Variants in PMVK observed in about 807,000 individuals in gnomAD.
The protein encoded by PMVK is phosphomevalonate kinase, also known as testis tissue sperm-binding protein Li 95mP.
Under a neutral mutation model 19.0 loss-of-function variants are expected in PMVK, and 10 were observed. That is an observed-to-expected ratio of 0.53 (90% CI 0.32 to 0.89). The LOEUF is 0.89. Ranked by LOEUF, PMVK falls within the 40% of genes least tolerant of loss-of-function variation. The probability of loss-of-function intolerance (pLI) is 0.03; values close to 1 mark genes in which losing one functional copy is unlikely to be tolerated. For missense variants in PMVK, 222 were observed against 251.1 expected (o/e 0.88, Z 0.78); for synonymous variants, 108 against 101.6 (o/e 1.06, Z -0.38).
upstream of PMVK, among the ~76,000 whole-genome samples, chr1:154,938,500 G>A: frequency 6.6e-6 from 1 of 152,208 alleles, no homozygotes; most frequent in East Asian, 1.9e-4. Flanking sequence ...AGGAGGCTGA[G>A]GCATGAGAAC....
rs1654264850 is a variant in PMVK at position 154,929,233 on chromosome 1, T to G, written c.160-57A>C. On this transcript the variant is annotated intron_variant, in intron 2 of 4. Transcript: ENST00000368467. ...GCCTTTCAACCTCAGTGGTCTCTCCTAAAACAGCGGAAGAGCCATCCCTCA... is the reference window on the plus strand; with the variant it reads ...GCCTTTCAACCTCAGTGGTCTCTCCGAAAACAGCGGAAGAGCCATCCCTCA... The G allele has an allele frequency of 3.2e-6, 5 of 1,551,598 alleles. No individual in the cohort carries two copies. In the Admixed American group the frequency reaches 8.4e-5, roughly 26 times the overall value.
chr1:154,928,974 G>T (rs376811986), intron 3 of PMVK, 50 bp downstream of exon 3: 743 of 1,564,972 alleles, frequency 4.7e-4, no homozygotes, highest in Non-Finnish European at 6.4e-4. Context: ...TGGACACAGC[G>T]AAGAGCTAGG....
At position 154,936,682 on chromosome 1, in the gene PMVK, C is replaced by A; in HGVS notation, c.4G>T (p.Ala2Ser). M[A>S]PLGGAPRLVL... The stretch of plus-strand genomic sequence containing the variant: ...AGCCGCGGGGCGCCTCCCAGCGGGG[C>A]CATGGGGCCGCCACGCCTCGCGATG... The change falls in exon 1 of 5, where the codon GCC becomes TCC. Residue 2 changes from alanine (A) to serine (S), a missense_variant. Ala to Ser is a moderately conservative substitution (Grantham distance 99). Transcript: ENST00000368467. The A allele has an allele frequency of 6.2e-7, 1 of 1,603,818 alleles. No homozygotes were observed. Among genetic ancestry groups the A allele is most frequent in the Non-Finnish European group, 8.5e-7 (1 of 1,175,800 alleles).
intron 1 of PMVK, among the ~76,000 whole-genome samples, chr1:154,934,012 G>A (rs1654425623): frequency 6.6e-6 from 1 of 151,884 alleles, no homozygotes; most frequent in South Asian, 2.1e-4. Flanking sequence ...GATAAGTGCT[G>A]TTTTTGAGAC....
At chr1:154,928,772 CAAAA>C (rs1415477685) in intron 3 of PMVK, among the ~76,000 whole-genome samples, 35 of 104,790 alleles carry the variant, frequency 3.3e-4, no homozygotes, top group Non-Finnish European at 6.0e-4. Flanking sequence ...GACTCCATCT[CAAAA>C]ATAAATAAAT....
At chr1:154,932,022 C>G (rs919640840) in intron 2 of PMVK, among the ~76,000 whole-genome samples, 10 of 152,076 alleles carry the variant, frequency 6.6e-5, no homozygotes, top group African/African-American at 2.4e-4. Flanking sequence ...GTTCTAGGGG[C>G]TGTGTCAGGC....
At chr1:154,936,546 T>G in intron 1 of PMVK, 45 bp downstream of exon 1, 1 of 1,559,810 alleles carries the variant, frequency 6.4e-7, no homozygotes, top group Non-Finnish European at 8.7e-7. Flanking sequence ...TCGTGTCACG[T>G]GATGCGGAGA....
At chr1:154,940,987 G>A (rs1028014857), upstream of PMVK, among the ~76,000 whole-genome samples, 1 of 152,094 alleles carries the variant, frequency 6.6e-6, no homozygotes, top group Non-Finnish European at 1.5e-5. Flanking sequence ...TCTCACCCTC[G>A]GGACAGCCTC....
chr1:154,926,120 G>A (rs1381621448), intron 4 of PMVK, among the ~76,000 whole-genome samples: 1 of 152,194 alleles, frequency 6.6e-6, no homozygotes, highest in African/African-American at 2.4e-5. Flanking sequence ...GAAGAATCAT[G>A]GGGGTGGGTC....
chr1:154,933,917 TTTG>T (rs1316650285), intron 1 of PMVK, among the ~76,000 whole-genome samples: 4 of 152,154 alleles, frequency 2.6e-5, no homozygotes. Context: ...GGGTACCATA[TTTG>T]GATCTAGGTG....
intron 3 of PMVK, 68 bp from the exon 4 acceptor site, chr1:154,926,551 T>A: frequency 6.7e-7 from 1 of 1,488,506 alleles, no homozygotes; most frequent in Non-Finnish European, 9.3e-7. Flanking sequence ...GTGGGAGGAC[T>A]ACAGAACCCA....
intron 1 of PMVK, among the ~76,000 whole-genome samples, chr1:154,935,223 G>T (rs1216135183): frequency 6.6e-6 from 1 of 152,064 alleles, no homozygotes; most frequent in Non-Finnish European, 1.5e-5. Flanking sequence ...TGGAGGTGAG[G>T]AGAAATGCAA....
intron 3 of PMVK, among the ~76,000 whole-genome samples, chr1:154,928,814 T>TA (rs1654249116): frequency 1.3e-5 from 2 of 149,816 alleles, no homozygotes; most frequent in African/African-American, 2.5e-5. Flanking sequence ...AATAAATAAA[T>TA]AATAAAAGGT....
upstream of PMVK, among the ~76,000 whole-genome samples, chr1:154,938,809 C>T (rs1012611121): frequency 6.6e-6 from 1 of 152,186 alleles, no homozygotes; most frequent in Non-Finnish European, 1.5e-5. Flanking sequence ...CTCTAAGGCT[C>T]ATGCCACCTG....
rs1891805 is a variant in PMVK at position 154,932,364 on chromosome 1, T to C, written c.147A>G (p.Glu49=). ...AAGCACCACCTACCTGAGCATACTG[T>C]TCCTTGAGTGGACCAGAGAGCCGGA... ...AVLRLSGPLK[E]QYAQEHGLNF... The change falls in exon 2 of 5, where the codon GAA becomes GAG. Residue 49 remains glutamate, a synonymous_variant. Transcript: ENST00000368467. The C allele has an allele frequency of 0.09, 144,526 of 1,612,024 alleles. 16,906 individuals carry two copies. The highest frequency in any genetic ancestry group is 0.59 in the African/African-American group (44,219 of 74,806).
At chr1:154,936,804 C>T (rs1654523641), upstream of PMVK, 2 of 896,300 alleles carry the variant, frequency 2.2e-6, no homozygotes, top group Non-Finnish European at 3.5e-6. Context: ...AATCGCGCCC[C>T]TCCTCGCCGT....
At chr1:154,941,841 C>T in the PMVK span, among the ~76,000 whole-genome samples, 1 of 151,982 alleles carries the variant, frequency 6.6e-6, no homozygotes, top group African/African-American at 2.4e-5. Context: ...CAGCAGGAGA[C>T]GGGGGAGATC....
rs1351445244 is a variant in PMVK, at chr1:154,926,481, C to T, written c.315G>A (p.Leu105=). The T allele has an allele frequency of 6.2e-7, 1 of 1,613,550 alleles. No homozygotes were observed. Among genetic ancestry groups the T allele is most frequent in the South Asian group, 1.1e-5 (1 of 90,942 alleles). ...IVEGISQPIW[L]VSDTRRVSDI... ...CAGACACTCTCCGTGTGTCACTCAC[C>T]AGCTGCAGGAGAGGGACAGACAGGT... Residue 105 remains leucine, a splice_region_variant and synonymous_variant, in exon 4 of 5, where the codon CTG becomes CTA. Transcript: ENST00000368467.
upstream of PMVK, chr1:154,936,742 G>T (rs1057050842): frequency 9.7e-6 from 14 of 1,439,562 alleles, no homozygotes; most frequent in African/African-American, 7.0e-5. Flanking sequence ...CCCTAAAATC[G>T]GGACACCGCG....
Sources: gnomAD v4.1 joint callset for allele counts (sites outside exome capture counted in the v4.1 genomes callset) on GRCh38, gnomAD v4.1.1 for gene constraint, MANE v1.5 for transcripts, NCBI Gene and HGNC (gene_info 2026-07-23, HGNC 2026-07-21) for gene names.